The following CCDC171 variants were observed in gnomAD, a reference collection of about 807,000 sequenced individuals.
The protein encoded by CCDC171 is coiled-coil domain-containing protein 171.
In CCDC171, 177 loss-of-function variants were observed where a neutral mutation model predicts 168.2. That is an observed-to-expected ratio of 1.05 (90% CI 0.93 to 1.19). The LOEUF (loss-of-function observed/expected upper bound fraction) is 1.19, where lower values mean the gene tolerates loss of function less well. Among genes scored for constraint, CCDC171 ranks in the 50% most tolerant of loss-of-function variants. CCDC171 has a pLI of 0.00. For synonymous variants in CCDC171, 687 were observed against 540.8 expected (o/e 1.27, Z -3.75); for missense variants, 1,991 against 1,539.0 (o/e 1.29, Z -4.91).
At chr9:15,825,027 G>T (rs1164049900) in intron 21 of CCDC171, among the ~76,000 whole-genome samples, 5 of 151,998 alleles carry the variant, frequency 3.3e-5, no homozygotes. Flanking sequence ...CTTTTCTCCT[G>T]CTCTAACTCT....
intron 25 of CCDC171, among the ~76,000 whole-genome samples, chr9:15,935,423 C>T (rs1826999310): frequency 6.6e-6 from 1 of 151,882 alleles, no homozygotes; most frequent in African/African-American, 2.4e-5. Context: ...ATCTAAATTC[C>T]CTGTCAGCTT....
chr9:15,963,881 G>C (rs1830568097), intron 25 of CCDC171, among the ~76,000 whole-genome samples: 2 of 152,128 alleles, frequency 1.3e-5, no homozygotes, highest in South Asian at 4.1e-4. Context: ...CCCTCTCTAA[G>C]CTAAATTAGT....
chr9:15,845,216 A>T (rs929331602), intron 21 of CCDC171, among the ~76,000 whole-genome samples: 1 of 152,086 alleles, frequency 6.6e-6, no homozygotes, highest in Non-Finnish European at 1.5e-5. Flanking sequence ...TAGTAGGTTT[A>T]GCGTGGTTTT....
chr9:15,969,749 C>T, intron 25 of CCDC171, among the ~76,000 whole-genome samples: 1 of 152,148 alleles, frequency 6.6e-6, no homozygotes, highest in Non-Finnish European at 1.5e-5. Flanking sequence ...CCCCTAACCC[C>T]CAGGCCTGGC....
rs1295490342 is a variant in CCDC171 at position 15,578,842 on chromosome 9, T to G, written c.178-7T>G. 6.2e-7 allele frequency: 1 copy of G among 1,609,818 alleles called. No homozygotes were observed. Among genetic ancestry groups the G allele is most frequent in the African/African-American group, 1.3e-5 (1 of 74,740 alleles). ...GACACATGTTGATATCAGGAATCTG[T>G]TTTTAGCTGGCAAGCTATGAGAGCC... is the stretch of plus-strand genomic sequence containing the variant. On this transcript the variant is annotated splice_region_variant and splice_polypyrimidine_tract_variant and intron_variant, in intron 3 of 25. Transcript: ENST00000380701.
At chr9:15,640,715 A>G (rs916246497) in intron 7 of CCDC171, among the ~76,000 whole-genome samples, 3 of 152,166 alleles carry the variant, frequency 2.0e-5, no homozygotes, top group Admixed American at 1.3e-4. Flanking sequence ...GATGATAAAT[A>G]GTAAAGGGCT....
intron 6 of CCDC171, among the ~76,000 whole-genome samples, chr9:16,024,810 AT>A (rs1217565764): frequency 1.3e-5 from 2 of 152,212 alleles, no homozygotes; most frequent in Non-Finnish European, 2.9e-5. Flanking sequence ...GGATACCTAC[AT>A]ATACGGCACC....
the CCDC171 span, among the ~76,000 whole-genome samples, chr9:16,103,835 G>A: frequency 2.0e-5 from 3 of 152,206 alleles, no homozygotes; most frequent in African/African-American, 7.2e-5. Flanking sequence ...ATGGACTCCG[G>A]GGGGGCTGGG....
At chr9:15,818,371 A>G (rs1448681537) in intron 21 of CCDC171, among the ~76,000 whole-genome samples, 1 of 117,866 alleles carries the variant, frequency 8.5e-6, no homozygotes, top group African/African-American at 3.2e-5. Context: ...TTGAGAGAAG[A>G]AGGCTTCAGA....
At chr9:15,960,885 A>C (rs1830268906) in intron 25 of CCDC171, among the ~76,000 whole-genome samples, 1 of 152,142 alleles carries the variant, frequency 6.6e-6, no homozygotes, top group Non-Finnish European at 1.5e-5. Flanking sequence ...TATAGAGCTT[A>C]TACCATGGTC....
At chr9:15,768,459 G>T (rs1323993097) in intron 18 of CCDC171, among the ~76,000 whole-genome samples, 1 of 152,022 alleles carries the variant, frequency 6.6e-6, no homozygotes, top group Non-Finnish European at 1.5e-5. Flanking sequence ...CTGCTAGTGG[G>T]TATCCACGAG....
chr9:15,564,211 CTG>C (rs2039543663), intron 2 of CCDC171, 82 bp downstream of exon 2: 10 of 1,001,106 alleles, frequency 1.0e-5, no homozygotes, highest in East Asian at 4.9e-5. Flanking sequence ...GTAGAGCTAA[CTG>C]TAAGAATTCT....
chr9:15,584,078 A>G (rs1021021579), intron 4 of CCDC171, among the ~76,000 whole-genome samples: 1 of 152,138 alleles, frequency 6.6e-6, no homozygotes, highest in African/African-American at 2.4e-5. Context: ...CATCTTGGCC[A>G]GGCGGATCTT....
intron 25 of CCDC171, among the ~76,000 whole-genome samples, chr9:15,924,020 T>C (rs1166612098): frequency 6.6e-6 from 1 of 151,436 alleles, no homozygotes; most frequent in Non-Finnish European, 1.5e-5. Flanking sequence ...TATATAGATA[T>C]ATAGATATAG....
At chr9:15,774,509 A>G (rs1025304346) in intron 18 of CCDC171, among the ~76,000 whole-genome samples, 1 of 152,150 alleles carries the variant, frequency 6.6e-6, no homozygotes, top group Admixed American at 6.5e-5. Context: ...TGTTTGTGGG[A>G]ATGTAAACTA....
chr9:16,092,462 G>T, the CCDC171 span, among the ~76,000 whole-genome samples: 1 of 152,180 alleles, frequency 6.6e-6, no homozygotes, highest in Non-Finnish European at 1.5e-5. Flanking sequence ...ACTGTTTTCT[G>T]CAGTGATGCT....
intron 25 of CCDC171, among the ~76,000 whole-genome samples, chr9:15,941,783 A>C (rs1827766896): frequency 6.6e-6 from 1 of 151,978 alleles, no homozygotes; most frequent in African/African-American, 2.4e-5. Flanking sequence ...AAAAGAAGAC[A>C]ATTCATTTTT....
At chr9:15,967,185 ACT>A (rs975764320) in intron 25 of CCDC171, among the ~76,000 whole-genome samples, 1 of 152,072 alleles carries the variant, frequency 6.6e-6, no homozygotes, top group African/African-American at 2.4e-5. Flanking sequence ...GAGTATTGAG[ACT>A]CTGGTAAGAG....
intron 7 of CCDC171, among the ~76,000 whole-genome samples, chr9:15,649,948 A>G (rs2047373694): frequency 6.6e-6 from 1 of 152,174 alleles, no homozygotes; most frequent in African/African-American, 2.4e-5. Context: ...ACACAGGCAC[A>G]CGTATGTTTA....
Sources: gnomAD v4.1 joint callset for allele counts (sites outside exome capture counted in the v4.1 genomes callset) on GRCh38, gnomAD v4.1.1 for gene constraint, MANE v1.5 for transcripts, NCBI Gene and HGNC (gene_info 2026-07-23, HGNC 2026-07-21) for gene names.